IQGAP1: variants seen among roughly 807,000 people sequenced by gnomAD.
The protein encoded by IQGAP1 is ras GTPase-activating-like protein IQGAP1.
Under a neutral mutation model 215.6 loss-of-function variants are expected in IQGAP1, and 66 were observed. The ratio of observed to expected loss-of-function variants is 0.31; its 90% confidence interval spans 0.25 to 0.38. The LOEUF is 0.38. IQGAP1 is among the 10% of genes least tolerant of loss of function. IQGAP1 has a pLI of 1.00. For missense variants in IQGAP1, 1,712 were observed against 1,997.1 expected (o/e 0.86, Z 2.72); for synonymous variants, 772 against 728.7 (o/e 1.06, Z -0.96).
chr15:90,447,237 C>T (rs1965539117), intron 9 of IQGAP1, among the ~76,000 whole-genome samples: 1 of 152,166 alleles, frequency 6.6e-6, no homozygotes, highest in South Asian at 2.1e-4. Flanking sequence ...GTATGGTGCT[C>T]AGTTGAATGG....
chr15:90,403,832 G>T (rs929793635), intron 2 of IQGAP1, among the ~76,000 whole-genome samples: 2 of 152,084 alleles, frequency 1.3e-5, no homozygotes, highest in African/African-American at 4.8e-5. Context: ...CCGCCATCAG[G>T]CCTGGCTAAT....
chr15:90,449,611 C>G lies in IQGAP1; in HGVS notation c.1130C>G (p.Ala377Gly), dbSNP rs774010358. 5.0e-6 allele frequency: 8 copies of G among 1,612,764 alleles called. No homozygotes were observed. In the South Asian group the frequency reaches 8.8e-5, roughly 18 times the overall value. The change falls in exon 11 of 38, where the codon GCT (alanine) becomes GGT (glycine). Residue 377 changes from alanine (A) to glycine (G), a missense_variant. By Grantham distance (60) the Ala-to-Gly change is moderately conservative. This residue lies in a region of IQGAP1 where 1,021 missense variants were observed against 1,074.2 expected (regional missense o/e 0.95). Transcript: ENST00000268182. ...QKEELQSGVD[A>G]ANSAAQQYQR... ...GAGGAGCTGCAGTCTGGAGTGGATG[C>G]TGCAAACAGTGCTGCCCAGCAATAT... is the stretch of plus-strand genomic sequence containing the variant.
At chr15:90,447,722 TTTG>T (rs1567129376) in intron 9 of IQGAP1, among the ~76,000 whole-genome samples, 2 of 152,192 alleles carry the variant, frequency 1.3e-5, no homozygotes, top group African/African-American at 4.8e-5. Flanking sequence ...TTTGTTTTGT[TTTG>T]TTTTTTTTAC....
At chr15:90,398,007 C>G (rs964310185) in intron 2 of IQGAP1, 1 of 151,920 alleles carries the variant, frequency 6.6e-6, no homozygotes, top group African/African-American at 2.4e-5. Context: ...CCTCAGCCTC[C>G]CAAGTAGCTG....
intron 2 of IQGAP1, among the ~76,000 whole-genome samples, chr15:90,404,071 A>G (rs1389454114): frequency 1.3e-5 from 2 of 152,208 alleles, no homozygotes; most frequent in African/African-American, 4.8e-5. Flanking sequence ...TAACCTGTCA[A>G]CGGACATTTT....
At chr15:90,495,649 T>C (rs1031562502) in intron 36 of IQGAP1, among the ~76,000 whole-genome samples, 11 of 139,528 alleles carry the variant, frequency 7.9e-5, no homozygotes, top group Admixed American at 7.7e-4. Flanking sequence ...CTTTTTCTTC[T>C]TCTTTTTTTT....
Position 90,388,282 on chromosome 15 carries a change from C to T in IQGAP1, c.-60C>T. 3.2e-6 allele frequency: 5 copies of T among 1,575,998 alleles called. No individual in the cohort carries two copies. The South Asian group carries it at 3.4e-5, about 11-fold the overall frequency. Reference sequence around the variant, plus strand: ...GCGCACTTGGCAGGAGCTGTAGCTACCGCCGTCCGCGCCTCCAAGGTTTCA... The same window carrying T: ...GCGCACTTGGCAGGAGCTGTAGCTATCGCCGTCCGCGCCTCCAAGGTTTCA... On this transcript the variant is annotated 5_prime_UTR_variant, in exon 1 of 38. Coordinates refer to ENST00000268182, the MANE Select transcript of IQGAP1 (RefSeq NM_003870.4).
At chr15:90,456,989 A>ATATAT (rs58940509) in intron 15 of IQGAP1, among the ~76,000 whole-genome samples, 1 of 146,850 alleles carries the variant, frequency 6.8e-6, no homozygotes, top group African/African-American at 2.5e-5. Flanking sequence ...CAGAAAAAAA[A>ATATAT]ATATATATAT....
At chr15:90,402,805 C>A (rs1299969398) in intron 2 of IQGAP1, among the ~76,000 whole-genome samples, 2 of 152,076 alleles carry the variant, frequency 1.3e-5, no homozygotes, top group East Asian at 3.8e-4. Context: ...AACTTACAAT[C>A]ATTAAAAATA....
chr15:90,401,874 A>G (rs1286194192), intron 2 of IQGAP1, among the ~76,000 whole-genome samples: 2 of 152,202 alleles, frequency 1.3e-5, no homozygotes, highest in African/African-American at 4.8e-5. Context: ...TGAAATTTAC[A>G]TATTACATTA....
intron 2 of IQGAP1, among the ~76,000 whole-genome samples, chr15:90,406,876 G>A (rs1050817615): frequency 2.0e-5 from 3 of 152,164 alleles, no homozygotes; most frequent in African/African-American, 7.2e-5. Flanking sequence ...TAACGTTGGT[G>A]GGAAACGAAA....
rs1966232872 is a variant in IQGAP1, at chr15:90,493,426, T to C, written c.4628+715T>C. ...TGCTGAGGAAAGTCTGATCCAGCCTTCTTGGCACTGGCCACAAACTATCAG... is the reference window on the plus strand; with the variant it reads ...TGCTGAGGAAAGTCTGATCCAGCCTCCTTGGCACTGGCCACAAACTATCAG... On this transcript the variant is annotated intron_variant, in intron 35 of 37. Transcript: ENST00000268182. Among the ~76,000 whole-genome samples, 4 of 152,318 alleles carry C rather than the reference T, an allele frequency of 2.6e-5. No individual in the cohort carries two copies. In the South Asian group the frequency reaches 8.3e-4, roughly 32 times the overall value.
chr15:90,469,806 A>G (rs1436960528), intron 18 of IQGAP1, among the ~76,000 whole-genome samples: 2 of 152,066 alleles, frequency 1.3e-5, no homozygotes, highest in Non-Finnish European at 2.9e-5. Flanking sequence ...GAAATTATAA[A>G]AAGGAAGTAG....
intron 5 of IQGAP1, among the ~76,000 whole-genome samples, chr15:90,434,040 AATTG>A (rs1692561626): frequency 6.6e-6 from 1 of 152,144 alleles, no homozygotes; most frequent in African/African-American, 2.4e-5. Flanking sequence ...TATCTTTCAT[AATTG>A]ATCTAGTATT....
At chr15:90,467,376 AT>A (rs1965846088) in intron 17 of IQGAP1, 73 bp from the exon 18 acceptor site, 1 of 1,442,946 alleles carries the variant, frequency 6.9e-7, no homozygotes, top group African/African-American at 1.4e-5. Flanking sequence ...CTAACTAATA[AT>A]CCTGCAGTTC....
At chr15:90,467,977 A>G (rs916194623) in intron 18 of IQGAP1, among the ~76,000 whole-genome samples, 8 of 152,166 alleles carry the variant, frequency 5.3e-5, no homozygotes, top group African/African-American at 1.4e-4. Flanking sequence ...TAGCATTTTC[A>G]TAGAGCTTTT....
At chr15:90,486,854 A>T (rs963072195) in intron 31 of IQGAP1, 100 bp from the exon 32 acceptor site, 1 of 1,200,436 alleles carries the variant, frequency 8.3e-7, no homozygotes. Flanking sequence ...AGGTGATTCA[A>T]GTATTATCTT....
chr15:90,413,921 G>A (rs948306833), intron 2 of IQGAP1, among the ~76,000 whole-genome samples: 1 of 152,154 alleles, frequency 6.6e-6, no homozygotes, highest in Non-Finnish European at 1.5e-5. Context: ...AGGAAGTGGG[G>A]TATATTCCTT....
At chr15:90,481,295 T>C (rs945491814) in intron 26 of IQGAP1, among the ~76,000 whole-genome samples, 1 of 117,766 alleles carries the variant, frequency 8.5e-6, no homozygotes, top group Non-Finnish European at 1.7e-5. Flanking sequence ...TTTTTTTTTT[T>C]AAGACAAGGT....
Sources: gnomAD v4.1 joint callset for allele counts (sites outside exome capture counted in the v4.1 genomes callset) on GRCh38, gnomAD v4.1.1 for gene constraint, gnomAD v4.1.1 regional missense constraint, MANE v1.5 for transcripts, NCBI Gene and HGNC (gene_info 2026-07-23, HGNC 2026-07-21) for gene names.